Variants in RAD51B observed in about 807,000 individuals in gnomAD.
RAD51B encodes the protein RAD51 paralog B.
RAD51B carries 38 observed loss-of-function variants against 42.2 expected under a neutral mutation model. The observed-to-expected ratio is 0.90, with a 90% CI of 0.70 to 1.18. The LOEUF (loss-of-function observed/expected upper bound fraction) is 1.18, where lower values mean the gene tolerates loss of function less well. Among genes scored for constraint, RAD51B ranks in the 50% most tolerant of loss-of-function variants. The pLI, the probability that RAD51B is intolerant of heterozygous loss-of-function variation, is 0.00. For synonymous variants in RAD51B, 154 were observed against 145.2 expected, an observed-to-expected ratio of 1.06 and a Z score of -0.43; for missense variants, 373 against 400.7, an observed-to-expected ratio of 0.93 and a Z score of 0.59.
intron 9 of RAD51B, among the ~76,000 whole-genome samples, chr14:68,419,324 C>G (rs2084639963): frequency 6.6e-6 from 1 of 151,568 alleles, no homozygotes; most frequent in Non-Finnish European, 1.5e-5. Context: ...AGATTCTAGG[C>G]AAAAAAGTCC....
chr14:68,504,934 C>A (rs371871209), intron 10 of RAD51B, among the ~76,000 whole-genome samples: 1 of 152,044 alleles, frequency 6.6e-6, no homozygotes, highest in Non-Finnish European at 1.5e-5. Context: ...GAGGCCAGGG[C>A]GTTTCAGCAA....
chr14:67,832,033 T>G (rs1328410585), intron 3 of RAD51B, among the ~76,000 whole-genome samples: 1 of 152,220 alleles, frequency 6.6e-6, no homozygotes, highest in Admixed American at 6.5e-5. Flanking sequence ...ACTGAAATAT[T>G]TCTTATATCA....
At chr14:67,899,741 G>A (rs1275635176) in intron 7 of RAD51B, among the ~76,000 whole-genome samples, 3 of 151,926 alleles carry the variant, frequency 2.0e-5, no homozygotes. Context: ...TTTTGTTTCG[G>A]GTTCTGTAGT....
intron 7 of RAD51B, among the ~76,000 whole-genome samples, chr14:67,962,302 A>C (rs1044981295): frequency 6.6e-6 from 1 of 152,262 alleles, no homozygotes; most frequent in Non-Finnish European, 1.5e-5. Flanking sequence ...GAAGTGATAT[A>C]GCAAAACTTC....
At chr14:68,367,867 A>G (rs1366229407) in intron 8 of RAD51B, among the ~76,000 whole-genome samples, 1 of 152,214 alleles carries the variant, frequency 6.6e-6, no homozygotes, top group East Asian at 1.9e-4. Flanking sequence ...GAAAAAGGGA[A>G]ACAAGAGAAA....
chr14:68,399,316 G>T (rs2084021088), intron 8 of RAD51B, among the ~76,000 whole-genome samples: 1 of 147,570 alleles, frequency 6.8e-6, no homozygotes. Context: ...GAGTGCAGTG[G>T]CGCAATCTCG....
At chr14:68,144,706 A>C (rs148651474) in intron 7 of RAD51B, among the ~76,000 whole-genome samples, 1 of 152,312 alleles carries the variant, frequency 6.6e-6, no homozygotes, top group East Asian at 1.9e-4. Flanking sequence ...AGTAAACAAA[A>C]AAACCTCAAA....
At chr14:68,373,421 C>T (rs1229554479) in intron 8 of RAD51B, among the ~76,000 whole-genome samples, 1 of 152,174 alleles carries the variant, frequency 6.6e-6, no homozygotes, top group Non-Finnish European at 1.5e-5. Context: ...CACATATACA[C>T]TATGGAGTAC....
chr14:68,455,737 A>T (rs942349988), intron 9 of RAD51B, among the ~76,000 whole-genome samples: 8 of 152,046 alleles, frequency 5.3e-5, no homozygotes, highest in Admixed American at 1.3e-4. Flanking sequence ...TAAAAAAAAA[A>T]TTTTTTTTTA....
At chr14:67,913,357 G>A (rs2044050436) in intron 7 of RAD51B, among the ~76,000 whole-genome samples, 1 of 152,164 alleles carries the variant, frequency 6.6e-6, no homozygotes. Flanking sequence ...CTTATCTAGG[G>A]CAGTGGTCTT....
At chr14:67,846,958 A>C (rs8015427) in intron 4 of RAD51B, among the ~76,000 whole-genome samples, 6,056 of 151,964 alleles carry the variant, frequency 0.04, 322 homozygotes, top group African/African-American at 0.12. Context: ...AGGTGTCCAC[A>C]CCCTGGGGTC....
chr14:68,012,928 A>T (rs2140333231), intron 7 of RAD51B, among the ~76,000 whole-genome samples: 1 of 152,292 alleles, frequency 6.6e-6, no homozygotes, highest in South Asian at 2.1e-4. Context: ...TGCAAATTTT[A>T]AAAGTATAGC....
At chr14:67,865,684 G>A (rs1232043212) in intron 5 of RAD51B, among the ~76,000 whole-genome samples, 2 of 151,462 alleles carry the variant, frequency 1.3e-5, no homozygotes, top group South Asian at 2.1e-4. Flanking sequence ...GATTACAGGC[G>A]CCCTACCACC....
At chr14:67,954,234 A>G (rs953474743) in intron 7 of RAD51B, among the ~76,000 whole-genome samples, 26 of 152,200 alleles carry the variant, frequency 1.7e-4, no homozygotes, top group Admixed American at 6.5e-5. Context: ...AGAGGCTTAC[A>G]TTCTCAATGC....
chr14:68,029,682 C>G (rs1251968390), intron 7 of RAD51B, among the ~76,000 whole-genome samples: 1 of 152,202 alleles, frequency 6.6e-6, no homozygotes, highest in Non-Finnish European at 1.5e-5. Flanking sequence ...CACTCCTGTG[C>G]ATGTTGCTAT....
chr14:67,906,956 T>G (rs2043799562), intron 7 of RAD51B, among the ~76,000 whole-genome samples: 1 of 152,100 alleles, frequency 6.6e-6, no homozygotes, highest in Admixed American at 6.5e-5. Context: ...ATTACAGGCA[T>G]GTGCTACCAT....
intron 3 of RAD51B, among the ~76,000 whole-genome samples, chr14:67,829,248 CT>C (rs530340727): frequency 1.2e-3 from 169 of 144,646 alleles, no homozygotes; most frequent in Admixed American, 1.2e-3. Flanking sequence ...TTCTTTCTTT[CT>C]TTTTTTTTTT....
At chr14:68,583,122 A>G (rs1890286659) in intron 10 of RAD51B, among the ~76,000 whole-genome samples, 1 of 152,232 alleles carries the variant, frequency 6.6e-6, no homozygotes, top group South Asian at 2.1e-4. Context: ...CACGTTCTGC[A>G]CATGTATCCC....
intron 11 of RAD51B, among the ~76,000 whole-genome samples, chr14:68,664,978 G>T (rs112163438): frequency 1.3e-5 from 2 of 152,270 alleles, no homozygotes; most frequent in African/African-American, 4.8e-5. Context: ...GCCCTGCCAT[G>T]TTCCTTCTGT....
Sources: gnomAD v4.1 joint callset for allele counts (sites outside exome capture counted in the v4.1 genomes callset) on GRCh38, gnomAD v4.1.1 for gene constraint, MANE v1.5 for transcripts, NCBI Gene and HGNC (gene_info 2026-07-23, HGNC 2026-07-21) for gene names.